CDCA7L: variants seen among roughly 807,000 people sequenced by gnomAD.
CDCA7L encodes the protein cell division cycle-associated 7-like protein.
In CDCA7L, 44 loss-of-function variants were observed where a neutral mutation model predicts 57.4. That is an observed-to-expected ratio of 0.77 (90% CI 0.60 to 0.98). The LOEUF is 0.98. Ranked by LOEUF, CDCA7L falls within the 50% of genes least tolerant of loss-of-function variation. The pLI, the probability that CDCA7L is intolerant of heterozygous loss-of-function variation, is 0.00. For synonymous variants in CDCA7L, 236 were observed against 202.8 expected (o/e 1.16, Z -1.39); for missense variants, 644 against 580.6 (o/e 1.11, Z -1.12).
chr7:21,902,778 T>C (rs1196640929), intron 9 of CDCA7L, 200 bp downstream of exon 9: 1 of 557,432 alleles, frequency 1.8e-6, no homozygotes, highest in African/African-American at 1.9e-5. Context: ...TTGAAAAATC[T>C]AGCAAAGGAG....
intron 3 of CDCA7L, among the ~76,000 whole-genome samples, chr7:21,910,877 AGCCAAATTTTT>A (rs954967693): frequency 3.9e-5 from 6 of 152,198 alleles, no homozygotes; most frequent in African/African-American, 1.2e-4. Flanking sequence ...TTTGTACCAC[AGCCAAATTTTT>A]GCCAAATTAA....
At chr7:21,908,758 G>C (rs559803337) in intron 3 of CDCA7L, among the ~76,000 whole-genome samples, 17 of 152,294 alleles carry the variant, frequency 1.1e-4, no homozygotes, top group African/African-American at 4.1e-4. Flanking sequence ...GTTCCATTCA[G>C]AGCATGAGGG....
At chr7:21,915,185 C>G (rs923393631) in intron 2 of CDCA7L, among the ~76,000 whole-genome samples, 1 of 152,036 alleles carries the variant, frequency 6.6e-6, no homozygotes. Flanking sequence ...TTCATCAACT[C>G]CTGGACGGGA....
chr7:21,916,710 A>G (rs1413158431), intron 2 of CDCA7L, 44 bp downstream of exon 2: 1 of 1,585,422 alleles, frequency 6.3e-7, no homozygotes, highest in Non-Finnish European at 8.6e-7. Flanking sequence ...ACCAAGATTC[A>G]GGCCTCCAGA....
At chr7:21,942,988 C>T (rs1185941093) in intron 1 of CDCA7L, among the ~76,000 whole-genome samples, 1 of 152,196 alleles carries the variant, frequency 6.6e-6, no homozygotes, top group African/African-American at 2.4e-5. Context: ...TCATTTCCTT[C>T]TCAAATGGGC....
intron 1 of CDCA7L, among the ~76,000 whole-genome samples, chr7:21,943,029 C>T (rs1188581153): frequency 4.6e-5 from 7 of 152,218 alleles, no homozygotes; most frequent in East Asian, 3.8e-4. Context: ...GAACAGAGTA[C>T]GAGGAGAACA....
rs1252256122 is a variant in CDCA7L at position 21,901,570 on chromosome 7, AAAAAAAAAAAGTACATCAT to A, written c.*733_*751del. The A allele has an allele frequency of 5.5e-6, 1 of 181,052 alleles. No individual in the cohort carries two copies. Among genetic ancestry groups the A allele is most frequent in the Non-Finnish European group, 1.1e-5 (1 of 88,432 alleles). 11.2% of individuals were successfully genotyped at this position (181,052 alleles called of 1,614,324 possible). On this transcript the variant is annotated 3_prime_UTR_variant, in exon 10 of 10. Transcript: ENST00000406877. ...GGCAACAGAACAAGACTCCATCTCAAAAAAAAAAAAGTACATCATAAAAGTACATCATATGTGAACATGC... is the reference window on the plus strand; with the variant it reads ...GGCAACAGAACAAGACTCCATCTCAAAAAAGTACATCATATGTGAACATGC...
chr7:21,908,422 G>C lies in CDCA7L; in HGVS notation c.389C>G (p.Pro130Arg), dbSNP rs750543368. The change falls in exon 4 of 10, where the codon CCT becomes CGT. Residue 130 changes from proline (P) to arginine (R), a missense_variant. Physicochemically the swap from Pro to Arg is moderately radical, Grantham distance 103 (BLOSUM62 -2). Coordinates refer to ENST00000406877, the MANE Select transcript of CDCA7L (RefSeq NM_018719.5). ...EEDEEEDKAT[P>R]RRSRSRRSSI... ...ACTTCTTCTAGACCTGCTTCTTCTAGGGGTAGCCTTATCTTCTTCTTCATC... is the reference window on the plus strand; with the variant it reads ...ACTTCTTCTAGACCTGCTTCTTCTACGGGTAGCCTTATCTTCTTCTTCATC... 8 of 1,589,156 alleles carry C rather than the reference G, an allele frequency of 5.0e-6. No individual in the cohort carries two copies. Among genetic ancestry groups the C allele is most frequent in the Non-Finnish European group, 6.0e-6 (7 of 1,172,940 alleles).
chr7:21,926,884 T>C (rs1359342389), intron 1 of CDCA7L, among the ~76,000 whole-genome samples: 1 of 151,740 alleles, frequency 6.6e-6, no homozygotes, highest in Non-Finnish European at 1.5e-5. Flanking sequence ...CAACTAATAA[T>C]AATAACAATA....
In CDCA7L at chr7:21,929,583, T is replaced by C. The variant is rs555632205; in HGVS notation, c.25-12689A>G. Among the ~76,000 whole-genome samples the C allele has an allele frequency of 8.4e-4, 94 of 111,788 alleles. 1 individual carries two copies. The highest frequency in any genetic ancestry group is 2.8e-3 in the African/African-American group (79 of 28,368). The allele number at this position is 111,788 out of a possible 152,430, so 73.3% of individuals were successfully genotyped here. On this transcript the variant is annotated intron_variant, in intron 1 of 9. Transcript: ENST00000406877. ...CCCATCTCACACCCAAAGACACACA[T>C]AGGCTCAAAATAAAAGGATGGAGGA...
chr7:21,901,171 T>C lies in CDCA7L; in HGVS notation c.*1151A>G, dbSNP rs1276436338. The C allele has an allele frequency of 6.2e-7, 1 of 1,610,716 alleles. No homozygotes were observed. Among genetic ancestry groups the C allele is most frequent in the African/African-American group, 1.3e-5 (1 of 74,842 alleles). On this transcript the variant is annotated 3_prime_UTR_variant, in exon 10 of 10. Transcript: ENST00000406877. ...TAGAACCAAACTGAGAGGCCCCAGC[T>C]ACATCTGGACCTTCAGGCTGAAGAG...
intron 1 of CDCA7L, among the ~76,000 whole-genome samples, chr7:21,922,191 A>G (rs1405828257): frequency 6.6e-6 from 1 of 152,212 alleles, no homozygotes. Flanking sequence ...ACATCTTTCT[A>G]CAAAGCAGTC....
At chr7:21,924,404 G>A (rs1235380619) in intron 1 of CDCA7L, among the ~76,000 whole-genome samples, 4 of 152,036 alleles carry the variant, frequency 2.6e-5, no homozygotes, top group Non-Finnish European at 4.4e-5. Context: ...TGATAGCAAT[G>A]ACAGCAGAAT....
intron 1 of CDCA7L, among the ~76,000 whole-genome samples, chr7:21,933,798 T>TA (rs59724777): frequency 0.21 from 31,857 of 149,280 alleles, 3,971 homozygotes; most frequent in East Asian, 0.5. Flanking sequence ...ACTTAAAGTA[T>TA]AAAAAAAAGA....
At chr7:21,906,832 C>T (rs1352138894) in intron 4 of CDCA7L, among the ~76,000 whole-genome samples, 193 bp from the exon 5 acceptor site, 1 of 152,166 alleles carries the variant, frequency 6.6e-6, no homozygotes, top group East Asian at 1.9e-4. Context: ...CTGATGTCAT[C>T]ATTCATATGA....
chr7:21,915,014 C>T (rs547882127), intron 2 of CDCA7L, among the ~76,000 whole-genome samples: 17 of 152,152 alleles, frequency 1.1e-4, no homozygotes, highest in African/African-American at 3.1e-4. Flanking sequence ...CTCTCCCCAC[C>T]GCCTGACTGT....
intron 7 of CDCA7L, among the ~76,000 whole-genome samples, 194 bp downstream of exon 7, chr7:21,905,312 C>T (rs540538259): frequency 3.3e-5 from 5 of 152,242 alleles, no homozygotes; most frequent in South Asian, 2.1e-4. Context: ...GAGAGACCGC[C>T]GTCCAGATGG....
chr7:21,928,466 G>C (rs752293732), intron 1 of CDCA7L, among the ~76,000 whole-genome samples: 2 of 152,036 alleles, frequency 1.3e-5, no homozygotes, highest in Admixed American at 6.5e-5. Flanking sequence ...TTGATGAATT[G>C]ACAGAAGTAC....
intron 3 of CDCA7L, among the ~76,000 whole-genome samples, chr7:21,909,755 C>G (rs1396617285): frequency 6.6e-6 from 1 of 152,168 alleles, no homozygotes; most frequent in Non-Finnish European, 1.5e-5. Context: ...CGACAGGCCT[C>G]TCTTTACCAG....
Sources: allele counts gnomAD v4.1 joint callset (sites outside exome capture counted in the v4.1 genomes callset), GRCh38; gene constraint gnomAD v4.1.1; transcripts MANE v1.5; gene names NCBI Gene and HGNC (gene_info 2026-07-23, HGNC 2026-07-21).